The following DGKB variants were observed in gnomAD, a reference collection of about 807,000 sequenced individuals.
DGKB encodes the protein diacylglycerol kinase beta, also known as 90 kDa diacylglycerol kinase.
A neutral mutation model predicts 114.3 loss-of-function variants in DGKB; 67 were observed. The observed-to-expected ratio is 0.59, with a 90% CI of 0.48 to 0.72. The LOEUF (loss-of-function observed/expected upper bound fraction) is 0.72, where lower values mean the gene tolerates loss of function less well. Among genes scored for constraint, DGKB ranks in the 30% least tolerant of loss-of-function variants. The pLI is 0.00. For synonymous variants in DGKB, 398 were observed against 323.1 expected, an observed-to-expected ratio of 1.23 and a Z score of -2.49; for missense variants, 907 against 975.2, an observed-to-expected ratio of 0.93 and a Z score of 0.93.
chr7:14,634,702 C>T (rs963251791), intron 13 of DGKB, among the ~76,000 whole-genome samples: 6 of 151,478 alleles, frequency 4.0e-5, no homozygotes, highest in Non-Finnish European at 5.9e-5. Context: ...GACACTTTGT[C>T]TTAGCTGGAC....
At chr7:14,583,465 A>G (rs1406270021) in intron 17 of DGKB, among the ~76,000 whole-genome samples, 1 of 152,192 alleles carries the variant, frequency 6.6e-6, no homozygotes, top group African/African-American at 2.4e-5. Context: ...TGCAGTTCGC[A>G]TAACCCAGAA....
chr7:14,740,224 C>T (rs1459327685), intron 4 of DGKB, among the ~76,000 whole-genome samples: 1 of 143,548 alleles, frequency 7.0e-6, no homozygotes, highest in African/African-American at 2.5e-5. Flanking sequence ...ATTTCCCTGC[C>T]CTACGCTTAA....
At chr7:14,621,916 C>A (rs1807725141) in intron 14 of DGKB, among the ~76,000 whole-genome samples, 1 of 152,016 alleles carries the variant, frequency 6.6e-6, no homozygotes, top group Non-Finnish European at 1.5e-5. Flanking sequence ...GCATGATGGA[C>A]TTTTAAGCTA....
At chr7:14,150,511 T>A (rs1461392931) in intron 25 of DGKB, among the ~76,000 whole-genome samples, 1 of 152,090 alleles carries the variant, frequency 6.6e-6, no homozygotes, top group Non-Finnish European at 1.5e-5. Flanking sequence ...CTTGAAAGAA[T>A]GAACAACTTT....
In DGKB at chr7:14,344,096, TAC is replaced by T. The variant is rs368883930; in HGVS notation, c.1926+1203_1926+1204del. Among the ~76,000 whole-genome samples the T allele has an allele frequency of 6.9e-4, 104 of 150,408 alleles. 3 individuals carry two copies. In the South Asian group the frequency reaches 0.015, roughly 21 times the overall value. The stretch of plus-strand genomic sequence containing the variant: ...TATGTGTTATATATATCATTTTATA[TAC>T]AGTTATTTGTGTGCATATATCATAC... On this transcript the variant is annotated intron_variant, in intron 22 of 25. Transcript: ENST00000402815.
intron 23 of DGKB, among the ~76,000 whole-genome samples, chr7:14,303,397 T>C (rs1385203850): frequency 6.6e-6 from 1 of 152,126 alleles, no homozygotes; most frequent in Non-Finnish European, 1.5e-5. Flanking sequence ...CTTTCCAGAG[T>C]AAAAAATCAA....
intron 7 of DGKB, among the ~76,000 whole-genome samples, chr7:14,699,921 TTGAC>T (rs902414419): frequency 1.3e-5 from 2 of 151,990 alleles, no homozygotes; most frequent in Non-Finnish European, 2.9e-5. Context: ...AAAGGACTAT[TTGAC>T]TGAATTTTCA....
intron 21 of DGKB, among the ~76,000 whole-genome samples, chr7:14,373,104 T>A (rs760325088): frequency 4.6e-5 from 7 of 152,218 alleles, no homozygotes; most frequent in African/African-American, 1.7e-4. Context: ...TTCTTGCACA[T>A]TGAATGACAA....
chr7:14,646,472 T>G (rs546952225), intron 13 of DGKB, among the ~76,000 whole-genome samples: 1 of 152,166 alleles, frequency 6.6e-6, no homozygotes, highest in Non-Finnish European at 1.5e-5. Context: ...GGACTTACAC[T>G]GCACTATAGA....
intron 23 of DGKB, among the ~76,000 whole-genome samples, chr7:14,281,069 T>C (rs1434677287): frequency 3.7e-4 from 55 of 146,764 alleles, no homozygotes; most frequent in Middle Eastern, 3.5e-3. Context: ...GACTGGCAAA[T>C]TGGATAAAGA....
intron 17 of DGKB, among the ~76,000 whole-genome samples, chr7:14,604,727 C>T (rs898001497): frequency 2.0e-5 from 3 of 152,058 alleles, no homozygotes. Flanking sequence ...GGCAATACAG[C>T]TAGAAAACAG....
rs182776769 is a variant in DGKB at position 14,318,521 on chromosome 7, A to T, written c.2122+19994T>A. 5.5e-3 allele frequency among the ~76,000 whole-genome samples: 844 copies of T among 152,322 alleles called. 12 individuals carry two copies. The highest frequency in any genetic ancestry group is 0.019 in the African/African-American group (806 of 41,570). On this transcript the variant is annotated intron_variant, in intron 23 of 25. Coordinates refer to ENST00000402815, the MANE Select transcript of DGKB (RefSeq NM_001350709.2). Reference sequence around the variant, plus strand: ...CAAAAGAAGACATTTATGCAGCCAAAAGACACATGAAAAAATGCTCACCAT... The same window carrying T: ...CAAAAGAAGACATTTATGCAGCCAATAGACACATGAAAAAATGCTCACCAT...
chr7:14,551,889 G>C (rs942980413), intron 20 of DGKB, among the ~76,000 whole-genome samples: 28 of 152,182 alleles, frequency 1.8e-4, no homozygotes, highest in African/African-American at 6.0e-4. Flanking sequence ...GTCTCACAGT[G>C]AGTCTTAAAT....
At chr7:14,232,430 T>G (rs1355162866) in intron 23 of DGKB, among the ~76,000 whole-genome samples, 1 of 151,252 alleles carries the variant, frequency 6.6e-6, no homozygotes, top group Non-Finnish European at 1.5e-5. Context: ...TTATTATTAT[T>G]ATTATTACTA....
At chr7:14,707,443 G>T (rs1163119081) in intron 6 of DGKB, among the ~76,000 whole-genome samples, 1 of 138,184 alleles carries the variant, frequency 7.2e-6, no homozygotes, top group African/African-American at 2.7e-5. Flanking sequence ...TAGAAAAAGA[G>T]GGAATCCTCC....
intron 2 of DGKB, among the ~76,000 whole-genome samples, chr7:14,760,418 A>G (rs1335715770): frequency 6.6e-6 from 1 of 152,160 alleles, no homozygotes; most frequent in Non-Finnish European, 1.5e-5. Context: ...AATTGCTTCT[A>G]TATGTACTTT....
chr7:14,369,784 A>G (rs561464105), intron 21 of DGKB, among the ~76,000 whole-genome samples: 1 of 152,174 alleles, frequency 6.6e-6, no homozygotes, highest in East Asian at 1.9e-4. Flanking sequence ...TTTTTCTAGT[A>G]AATTCGTTTA....
chr7:14,652,807 G>GAA lies in DGKB; in HGVS notation c.1134+20120_1134+20121dup, dbSNP rs530382154. On this transcript the variant is annotated intron_variant, in intron 13 of 25. Transcript: ENST00000402815. ...ACAATGAACTCAAACAAATTCACAA[G>GAA]AAAAAAACAAACAACCCCATCAAAA... 1.6e-3 allele frequency among the ~76,000 whole-genome samples: 244 copies of GAA among 151,932 alleles called. 12 individuals are homozygous for GAA. The South Asian group carries it at 0.048, about 30-fold the overall frequency.
chr7:14,587,326 G>A (rs958053263), intron 17 of DGKB, among the ~76,000 whole-genome samples: 8 of 152,106 alleles, frequency 5.3e-5, no homozygotes, highest in South Asian at 4.2e-4. Flanking sequence ...CTGAATTGCC[G>A]CAATCTCATC....
Sources: allele counts gnomAD v4.1 joint callset (sites outside exome capture counted in the v4.1 genomes callset), GRCh38; gene constraint gnomAD v4.1.1; transcripts MANE v1.5; gene names NCBI Gene and HGNC (gene_info 2026-07-23, HGNC 2026-07-21).